Variants in LRMDA observed in about 807,000 individuals in gnomAD.
LRMDA encodes the protein leucine rich melanocyte differentiation associated.
A neutral mutation model predicts 29.8 loss-of-function variants in LRMDA; 18 were observed. The observed-to-expected ratio is 0.60, with a 90% CI of 0.42 to 0.90. The LOEUF (loss-of-function observed/expected upper bound fraction) is 0.90, where lower values mean the gene tolerates loss of function less well. Among genes scored for constraint, LRMDA ranks in the 40% least tolerant of loss-of-function variants. The pLI is 0.00. For synonymous variants in LRMDA, 125 were observed against 109.4 expected, an observed-to-expected ratio of 1.14 and a Z score of -0.89; for missense variants, 273 against 273.9, an observed-to-expected ratio of 1.00 and a Z score of 0.02.
At chr10:75,672,958 G>C (rs1183660921) in intron 2 of LRMDA, among the ~76,000 whole-genome samples, 1 of 139,756 alleles carries the variant, frequency 7.2e-6, no homozygotes. Context: ...CAAACTGTTT[G>C]CCTTTTTTTT....
chr10:76,178,868 G>A (rs1850989614), intron 5 of LRMDA, among the ~76,000 whole-genome samples: 1 of 152,292 alleles, frequency 6.6e-6, no homozygotes, highest in Non-Finnish European at 1.5e-5. Flanking sequence ...CCTCATTCCA[G>A]CTCTGTGTGA....
At chr10:76,419,843 G>A (rs1469671555) in intron 6 of LRMDA, among the ~76,000 whole-genome samples, 4 of 151,966 alleles carry the variant, frequency 2.6e-5, no homozygotes, top group African/African-American at 9.7e-5. Flanking sequence ...TCTATTGTTT[G>A]GAAATATTTT....
chr10:75,969,899 C>T (rs959377250), intron 2 of LRMDA, among the ~76,000 whole-genome samples: 2 of 152,156 alleles, frequency 1.3e-5, no homozygotes, highest in South Asian at 4.1e-4. Flanking sequence ...ATGCTGATAT[C>T]ATAGACAGTA....
At chr10:76,404,771 A>G (rs1841885571) in intron 6 of LRMDA, among the ~76,000 whole-genome samples, 1 of 152,182 alleles carries the variant, frequency 6.6e-6, no homozygotes, top group Non-Finnish European at 1.5e-5. Flanking sequence ...GACTTTGCAG[A>G]TGTGATTAAG....
At chr10:76,098,498 T>C (rs1849347894) in intron 5 of LRMDA, among the ~76,000 whole-genome samples, 1 of 152,206 alleles carries the variant, frequency 6.6e-6, no homozygotes, top group Admixed American at 6.5e-5. Context: ...TATTCTTTCA[T>C]TATCATTTTA....
intron 2 of LRMDA, chr10:75,450,661 A>G (rs1046261210): frequency 1.3e-5 from 2 of 152,316 alleles, no homozygotes; most frequent in Middle Eastern, 6.8e-3. Context: ...GTAGAGAAAT[A>G]TTTTCCCCAT....
intron 2 of LRMDA, among the ~76,000 whole-genome samples, chr10:75,822,146 A>G (rs1378017918): frequency 6.6e-6 from 1 of 152,220 alleles, no homozygotes; most frequent in Non-Finnish European, 1.5e-5. Flanking sequence ...TCAATGTACA[A>G]AAACCAGTAG....
At chr10:75,571,152 A>G (rs997554816) in intron 2 of LRMDA, among the ~76,000 whole-genome samples, 12 of 107,604 alleles carry the variant, frequency 1.1e-4, no homozygotes, top group Non-Finnish European at 2.3e-4. Context: ...TGATTTGAGA[A>G]TAGTTGGATG....
chr10:76,078,312 A>G (rs1848994277), intron 5 of LRMDA, among the ~76,000 whole-genome samples: 1 of 151,862 alleles, frequency 6.6e-6, no homozygotes, highest in African/African-American at 2.4e-5. Flanking sequence ...CCCGGCCAAT[A>G]TTAACTCTTG....
At position 75,690,984 on chromosome 10, in the gene LRMDA, T is replaced by A. The variant is rs1031012897; in HGVS notation, c.131+252490T>A. On this transcript the variant is annotated intron_variant, in intron 2 of 6. Transcript: ENST00000611255. ...CCCTGTCTCTTAAAAAAAAAATATA[T>A]ATATATATATACACACACACACACA... Among the ~76,000 whole-genome samples, 101 of 91,970 alleles carry A rather than the reference T, an allele frequency of 1.1e-3. 1 individual carries two copies. Among genetic ancestry groups the A allele is most frequent in the African/African-American group, 3.2e-3 (68 of 21,258 alleles). The allele number at this position is 91,970 out of a possible 152,430, so 60.3% of individuals were successfully genotyped here. A position where few individuals can be genotyped will look rare whatever the true frequency, so the allele number is the denominator to read the frequency against.
chr10:76,248,012 G>A (rs986908574), intron 5 of LRMDA, among the ~76,000 whole-genome samples: 40 of 152,250 alleles, frequency 2.6e-4, no homozygotes, highest in Admixed American at 2.2e-3. Flanking sequence ...AAGGACACAG[G>A]TGTCCATATA....
intron 2 of LRMDA, among the ~76,000 whole-genome samples, chr10:75,849,394 A>G (rs1384321641): frequency 6.6e-6 from 1 of 151,720 alleles, no homozygotes; most frequent in Non-Finnish European, 1.5e-5. Context: ...AAAAAATTGT[A>G]CATATATACC....
At chr10:75,774,652 T>C (rs1843286611) in intron 2 of LRMDA, among the ~76,000 whole-genome samples, 1 of 152,090 alleles carries the variant, frequency 6.6e-6, no homozygotes. Context: ...CTGTGTGGCT[T>C]CTCAACTCAA....
At chr10:75,854,516 A>G in intron 2 of LRMDA, among the ~76,000 whole-genome samples, 1 of 152,324 alleles carries the variant, frequency 6.6e-6, no homozygotes, top group East Asian at 1.9e-4. Flanking sequence ...ACAGTGGCAT[A>G]TTGAAATAAT....
At chr10:75,999,765 G>C (rs915958712) in intron 2 of LRMDA, among the ~76,000 whole-genome samples, 15 of 152,282 alleles carry the variant, frequency 9.9e-5, no homozygotes, top group African/African-American at 3.4e-4. Context: ...CATTTCACTT[G>C]ATTTCCATTT....
chr10:75,547,302 AAGG>A (rs1254489446), intron 2 of LRMDA, among the ~76,000 whole-genome samples: 3 of 152,196 alleles, frequency 2.0e-5, no homozygotes, highest in African/African-American at 4.8e-5. Flanking sequence ...AGGCATGGAT[AAGG>A]AGGAGAAGAC....
intron 6 of LRMDA, among the ~76,000 whole-genome samples, chr10:76,338,363 C>CATAAATAA (rs35208147): frequency 0.035 from 5,104 of 146,326 alleles, 82 homozygotes; most frequent in African/African-American, 0.04. Flanking sequence ...GACACAGTCT[C>CATAAATAA]ATAAATAAAT....
chr10:75,707,824 G>T (rs1347638762), intron 2 of LRMDA, among the ~76,000 whole-genome samples: 1 of 152,154 alleles, frequency 6.6e-6, no homozygotes, highest in Non-Finnish European at 1.5e-5. Flanking sequence ...ATTTTTCCCT[G>T]TTAGAGGTGG....
intron 5 of LRMDA, among the ~76,000 whole-genome samples, chr10:76,293,150 T>G (rs1840370342): frequency 6.6e-6 from 1 of 152,056 alleles, no homozygotes; most frequent in African/African-American, 2.4e-5. Context: ...CTGGCTAATT[T>G]TTGTGTTTTT....
Sources: allele counts gnomAD v4.1 joint callset (sites outside exome capture counted in the v4.1 genomes callset), GRCh38; gene constraint gnomAD v4.1.1; transcripts MANE v1.5; gene names NCBI Gene and HGNC (gene_info 2026-07-23, HGNC 2026-07-21).